The following PRDM6 variants were observed in gnomAD, a reference collection of about 807,000 sequenced individuals.
PRDM6 encodes the protein PR/SET domain 6, also known as putative histone-lysine N-methyltransferase PRDM6.
A neutral mutation model predicts 60.8 loss-of-function variants in PRDM6; 25 were observed. The observed-to-expected ratio is 0.41, with a 90% CI of 0.30 to 0.57. The LOEUF is 0.57. Among genes scored for constraint, PRDM6 ranks in the 20% least tolerant of loss-of-function variants. The pLI, the probability that PRDM6 is intolerant of heterozygous loss-of-function variation, is 0.27. For synonymous variants in PRDM6, 407 were observed against 357.4 expected (o/e 1.14, Z -1.57); for missense variants, 839 against 821.3 (o/e 1.02, Z -0.26).
At chr5:123,121,214 G>GT (rs1022185127) in intron 3 of PRDM6, among the ~76,000 whole-genome samples, 119 of 152,138 alleles carry the variant, frequency 7.8e-4, no homozygotes, top group African/African-American at 2.6e-3. Context: ...TTTTACCTAT[G>GT]TTTTTATAGA....
intron 3 of PRDM6, among the ~76,000 whole-genome samples, chr5:123,143,386 G>A (rs1257027276): frequency 2.0e-5 from 3 of 152,088 alleles, no homozygotes; most frequent in Non-Finnish European, 2.9e-5. Flanking sequence ...GGAAAGAAGG[G>A]AATCAATCCC....
chr5:123,182,838 C>T (rs561777641), intron 7 of PRDM6, among the ~76,000 whole-genome samples: 1 of 151,514 alleles, frequency 6.6e-6, no homozygotes, highest in Non-Finnish European at 1.5e-5. Context: ...TTTAATTTAT[C>T]AAATAGATAT....
chr5:123,172,008 C>T (rs1476497829), intron 6 of PRDM6, among the ~76,000 whole-genome samples: 1 of 152,152 alleles, frequency 6.6e-6, no homozygotes, highest in Non-Finnish European at 1.5e-5. Flanking sequence ...TCAAAATGCA[C>T]TTTGAATATA....
At position 123,099,484 on chromosome 5, in the gene PRDM6, TCTC is replaced by T. The variant is rs1764046744; in HGVS notation, c.593-160_593-158del. Among the ~76,000 whole-genome samples the T allele has an allele frequency of 6.6e-6, 1 of 152,020 alleles. No homozygotes were observed. The highest frequency in any genetic ancestry group is 1.5e-5 in the Non-Finnish European group (1 of 67,982). ...TCCAAGGGAGCGGCGCGGGTTCTCT[TCTC>T]CTCCTCCTCTGAGTTGCTTCGGTGC... On this transcript the variant is annotated intron_variant, in intron 2 of 7. Coordinates refer to ENST00000407847, the MANE Select transcript of PRDM6 (RefSeq NM_001136239.4). This position sits in a 1 kb window ranked among gnomAD's most constrained non-coding sequence, Gnocchi z 4.0.
At position 123,090,154 on chromosome 5, in the gene PRDM6, C is replaced by T. The variant is rs750141617; in HGVS notation, c.140C>T (p.Pro47Leu). The T allele has an allele frequency of 6.6e-7, 1 of 1,521,310 alleles. No individual in the cohort carries two copies. The highest frequency in any genetic ancestry group is 2.7e-5 in the East Asian group (1 of 36,716). 94.2% of individuals were successfully genotyped at this position (1,521,310 alleles called of 1,614,324 possible). A position where few individuals can be genotyped will look rare whatever the true frequency, so the allele number is the denominator to read the frequency against. ...GGCGCCGCGGGTCTCCTGAGCGCGC[C>T]GCAGCCTCTTCAGCCGCCGCCGCCG... ...GSGAAGLLSA[P>L]QPLQPPPPPP... The change falls in exon 2 of 8, where the codon CCG becomes CTG. Residue 47 changes from proline (P) to leucine (L), a missense_variant. Transcript: ENST00000407847.
intron 3 of PRDM6, among the ~76,000 whole-genome samples, chr5:123,155,588 G>A (rs1446904637): frequency 1.3e-5 from 2 of 152,030 alleles, no homozygotes; most frequent in Non-Finnish European, 2.9e-5. Context: ...CATTATTTAA[G>A]ACTAGCCTGT....
intron 3 of PRDM6, among the ~76,000 whole-genome samples, chr5:123,139,768 A>G (rs1029109270): frequency 1.3e-5 from 2 of 152,098 alleles, no homozygotes; most frequent in East Asian, 1.9e-4. Flanking sequence ...CCTTGGGTTT[A>G]TTACAGGTAC....
intron 6 of PRDM6, among the ~76,000 whole-genome samples, chr5:123,179,320 C>G (rs1252397312): frequency 6.6e-6 from 1 of 152,208 alleles, no homozygotes; most frequent in Non-Finnish European, 1.5e-5. Flanking sequence ...ACAATGACAT[C>G]CTATCATTTC....
intron 5 of PRDM6, among the ~76,000 whole-genome samples, chr5:123,166,274 G>A (rs55650102): frequency 0.078 from 11,894 of 152,162 alleles, 499 homozygotes; most frequent in Non-Finnish European, 0.088. Flanking sequence ...CAAAGCTGCC[G>A]ATATTCCATC....
At chr5:123,148,084 T>C (rs987316092) in intron 3 of PRDM6, among the ~76,000 whole-genome samples, 2 of 152,200 alleles carry the variant, frequency 1.3e-5, no homozygotes, top group Admixed American at 6.5e-5. Context: ...ACCACAGGTG[T>C]TTTACAGTTC....
intron 5 of PRDM6, among the ~76,000 whole-genome samples, chr5:123,169,439 G>A (rs1250868963): frequency 3.3e-5 from 5 of 152,050 alleles, no homozygotes; most frequent in Admixed American, 1.3e-4. Context: ...CCTCACACCC[G>A]TCGCTTCTCC....
At chr5:123,147,518 G>A (rs1203077651) in intron 3 of PRDM6, among the ~76,000 whole-genome samples, 4 of 152,174 alleles carry the variant, frequency 2.6e-5, no homozygotes, top group Admixed American at 2.0e-4. Flanking sequence ...GTGAAAAATG[G>A]CAAACATGTC....
intron 2 of PRDM6, among the ~76,000 whole-genome samples, chr5:123,091,257 A>ATGACTG (rs1326910809): frequency 6.6e-6 from 1 of 152,172 alleles, no homozygotes. Context: ...AGAAAAAAAA[A>ATGACTG]TGACTGCTAC....
At chr5:123,146,120 GT>G (rs1765233018) in intron 3 of PRDM6, among the ~76,000 whole-genome samples, 1 of 152,184 alleles carries the variant, frequency 6.6e-6, no homozygotes, top group Non-Finnish European at 1.5e-5. Context: ...TAACATAGCA[GT>G]TTGCACCTAG....
At chr5:123,150,787 G>T (rs750707651) in intron 3 of PRDM6, among the ~76,000 whole-genome samples, 14 of 152,158 alleles carry the variant, frequency 9.2e-5, no homozygotes, top group Admixed American at 3.9e-4. Context: ...TGTAAACAGC[G>T]CTGGGTTCAC....
At position 123,099,610 on chromosome 5, in the gene PRDM6, G is replaced by A. The variant is rs767809621; in HGVS notation, c.593-44G>A. ...CAAAGATGGGCCGCTCGGGGCGGCC[G>A]GATTAACCCGCTCCCTTCCCTTCCT... On this transcript the variant is annotated intron_variant, in intron 2 of 7. Transcript: ENST00000407847. This position sits in a 1 kb window ranked among gnomAD's most constrained non-coding sequence, Gnocchi z 4.0. The A allele has an allele frequency of 9.9e-6, 14 of 1,420,232 alleles. No homozygotes were observed. Among genetic ancestry groups the A allele is most frequent in the Non-Finnish European group, 1.3e-5 (14 of 1,083,788 alleles). The allele number at this position is 1,420,232 out of a possible 1,614,324, so 88.0% of individuals were successfully genotyped here.
At chr5:123,125,832 C>G (rs1374509796) in intron 3 of PRDM6, among the ~76,000 whole-genome samples, 2 of 152,182 alleles carry the variant, frequency 1.3e-5, no homozygotes, top group African/African-American at 4.8e-5. Context: ...GTTTCATGCA[C>G]TGGAAGACAC....
intron 6 of PRDM6, among the ~76,000 whole-genome samples, chr5:123,178,948 A>C (rs1257112417): frequency 6.6e-6 from 1 of 152,268 alleles, no homozygotes; most frequent in South Asian, 2.1e-4. Flanking sequence ...TTCTGAGTGC[A>C]GCCAGAAATG....
chr5:123,185,730 C>T (rs966535395), intron 7 of PRDM6, among the ~76,000 whole-genome samples: 1 of 152,128 alleles, frequency 6.6e-6, no homozygotes, highest in Non-Finnish European at 1.5e-5. Flanking sequence ...CTCCTGCCTC[C>T]CAATGTTCAA....
Sources: gnomAD v4.1 joint callset for allele counts (sites outside exome capture counted in the v4.1 genomes callset) on GRCh38, gnomAD v4.1.1 for gene constraint, Gnocchi (gnomAD v3.1) non-coding constraint, MANE v1.5 for transcripts, NCBI Gene and HGNC (gene_info 2026-07-23, HGNC 2026-07-21) for gene names.